Variants in NALCN observed in about 807,000 individuals in gnomAD.
NALCN encodes sodium leak channel NALCN.
Under a neutral mutation model 225.3 loss-of-function variants are expected in NALCN, and 111 were observed. The observed-to-expected ratio is 0.49, with a 90% CI of 0.42 to 0.58. NALCN has a LOEUF of 0.58. Ranked by LOEUF, NALCN falls within the 20% of genes least tolerant of loss-of-function variation. The pLI, the probability that NALCN is intolerant of heterozygous loss-of-function variation, is 0.00. For synonymous variants in NALCN, 764 were observed against 769.0 expected (o/e 0.99, Z 0.11); for missense variants, 1,378 against 2,202.4 (o/e 0.63, Z 7.49).
At chr13:101,375,146 C>T (rs779401129) in intron 6 of NALCN, among the ~76,000 whole-genome samples, 14 of 152,014 alleles carry the variant, frequency 9.2e-5, no homozygotes, top group Non-Finnish European at 1.3e-4. Context: ...TTGGAGGATA[C>T]ACTTATGCCT....
rs141797787 is a variant in NALCN at position 101,214,091 on chromosome 13, T to A, written c.1626+15302A>T. Among the ~76,000 whole-genome samples, 719 of 152,338 alleles carry A rather than the reference T, an allele frequency of 4.7e-3. 8 individuals carry two copies. Among genetic ancestry groups the A allele is most frequent in the African/African-American group, 0.017 (700 of 41,576 alleles). On this transcript the variant is annotated intron_variant, in intron 13 of 43. Transcript: ENST00000251127. ...GGATTAAGAAAATGTGGCACATGTA[T>A]ACACCATGGAATACTATGCAGCCAT...
chr13:101,413,654 G>C (rs2139566847), intron 1 of NALCN, among the ~76,000 whole-genome samples: 1 of 152,098 alleles, frequency 6.6e-6, no homozygotes, highest in East Asian at 1.9e-4. Flanking sequence ...AGATATTGTG[G>C]TCATCTGTCT....
At chr13:101,353,493 C>G (rs1452875891) in intron 6 of NALCN, among the ~76,000 whole-genome samples, 1 of 152,134 alleles carries the variant, frequency 6.6e-6, no homozygotes, top group East Asian at 1.9e-4. Context: ...GAATACTAAT[C>G]CCACCCTGGA....
chr13:101,254,140 T>C (rs2042142914), intron 11 of NALCN, among the ~76,000 whole-genome samples: 1 of 151,532 alleles, frequency 6.6e-6, no homozygotes, highest in African/African-American at 2.4e-5. Flanking sequence ...TCCAGCACTC[T>C]GGGAGGTCAA....
At chr13:101,186,990 G>A (rs1320799913) in intron 14 of NALCN, among the ~76,000 whole-genome samples, 1 of 152,116 alleles carries the variant, frequency 6.6e-6, no homozygotes, top group Non-Finnish European at 1.5e-5. Flanking sequence ...GACCTAATTT[G>A]ATCATTCCAC....
At position 101,104,328 on chromosome 13, in the gene NALCN, G is replaced by A. The variant is rs761673908; in HGVS notation, c.2856C>T (p.Asp952=). The A allele has an allele frequency of 4.4e-5, 71 of 1,613,060 alleles. No homozygotes were observed. Among genetic ancestry groups the A allele is most frequent in the Non-Finnish European group, 4.8e-5 (57 of 1,179,666 alleles). The change falls in exon 25 of 44, where the codon GAC becomes GAT. Residue 952 remains aspartate, a synonymous_variant. Transcript: ENST00000251127. This position sits in a 1 kb window ranked among gnomAD's most constrained non-coding sequence, Gnocchi z 4.2. ...LFFTPTAVIR[D]FGGVMDIFIY... ...TAAATATGTCCATTACTCCACCGAAGTCCCTGATGACAGCAGTTGGAGTGA... is the reference window on the plus strand; with the variant it reads ...TAAATATGTCCATTACTCCACCGAAATCCCTGATGACAGCAGTTGGAGTGA...
At chr13:101,155,444 G>A (rs150487901) in intron 15 of NALCN, among the ~76,000 whole-genome samples, 105 of 152,290 alleles carry the variant, frequency 6.9e-4, no homozygotes, top group Middle Eastern at 3.4e-3. Flanking sequence ...GTAATTTGCA[G>A]AGTGTCCCCC....
At chr13:101,218,851 C>T (rs983598654) in intron 13 of NALCN, among the ~76,000 whole-genome samples, 13 of 152,146 alleles carry the variant, frequency 8.5e-5, no homozygotes, top group East Asian at 5.8e-4. Flanking sequence ...CCTGCAGAAC[C>T]GGGAGCAATT....
At chr13:101,352,628 C>T (rs1310524468) in intron 6 of NALCN, among the ~76,000 whole-genome samples, 4 of 152,078 alleles carry the variant, frequency 2.6e-5, no homozygotes, top group African/African-American at 7.2e-5. Context: ...GACAAGGATT[C>T]GTGCTACCCT....
chr13:101,183,408 G>A (rs2039319245), intron 14 of NALCN, among the ~76,000 whole-genome samples: 1 of 152,062 alleles, frequency 6.6e-6, no homozygotes, highest in South Asian at 2.1e-4. Context: ...CAACTAATTT[G>A]CTTTGCATTA....
In NALCN at chr13:101,107,805, CA is replaced by C. The variant is rs765461417; in HGVS notation, c.2365-17del. The C allele has an allele frequency of 6.9e-6, 11 of 1,604,068 alleles. No individual in the cohort carries two copies. The Admixed American group carries it at 1.2e-4, about 17-fold the overall frequency. ...TATTGGAATGCTAGAAATAAATTAA[CA>C]GGGGGTGTGTTAAAACAGGAGGGTT... On this transcript the variant is annotated splice_polypyrimidine_tract_variant and intron_variant, in intron 20 of 43. Coordinates refer to ENST00000251127, the MANE Select transcript of NALCN (RefSeq NM_052867.4).
At chr13:101,069,989 A>G (rs961283855) in intron 37 of NALCN, among the ~76,000 whole-genome samples, 1 of 151,180 alleles carries the variant, frequency 6.6e-6, no homozygotes, top group African/African-American at 2.4e-5. Flanking sequence ...GTCATCCATA[A>G]TGGCTGGAAT....
intron 30 of NALCN, among the ~76,000 whole-genome samples, chr13:101,086,975 TA>T (rs574625146): frequency 3.9e-5 from 6 of 151,980 alleles, no homozygotes; most frequent in Non-Finnish European, 7.4e-5. Context: ...TTGTTATACA[TA>T]AAAAAAATTT....
At chr13:101,290,446 C>A in intron 9 of NALCN, among the ~76,000 whole-genome samples, 1 of 152,160 alleles carries the variant, frequency 6.6e-6, no homozygotes. Context: ...TCTTATCTCT[C>A]ATAGTTTGCA....
At chr13:101,382,783 A>T (rs965952163) in intron 3 of NALCN, among the ~76,000 whole-genome samples, 3 of 152,174 alleles carry the variant, frequency 2.0e-5, no homozygotes, top group Non-Finnish European at 2.9e-5. Context: ...ATAGGAAGTA[A>T]TTTAATTGTT....
chr13:101,279,370 T>C (rs946410615), intron 10 of NALCN, among the ~76,000 whole-genome samples: 1 of 152,168 alleles, frequency 6.6e-6, no homozygotes, highest in African/African-American at 2.4e-5. Context: ...TGCAGGAGTC[T>C]GAGAAGAATC....
At chr13:101,175,236 AT>A (rs35230308) in intron 15 of NALCN, among the ~76,000 whole-genome samples, 9 of 149,314 alleles carry the variant, frequency 6.0e-5, no homozygotes, top group South Asian at 4.2e-4. Flanking sequence ...CTTCATAACA[AT>A]TTTTTTTTGT....
intron 13 of NALCN, among the ~76,000 whole-genome samples, chr13:101,214,383 A>G (rs2140088578): frequency 6.6e-6 from 1 of 152,296 alleles, no homozygotes; most frequent in East Asian, 1.9e-4. Flanking sequence ...AACATGGCAC[A>G]TGTATACATA....
At chr13:101,343,622 G>C (rs184263122) in intron 7 of NALCN, among the ~76,000 whole-genome samples, 1 of 152,312 alleles carries the variant, frequency 6.6e-6, no homozygotes, top group Non-Finnish European at 1.5e-5. Flanking sequence ...CTGTTTTCAA[G>C]GAGCTTAAAT....
Sources: gnomAD v4.1 joint callset for allele counts (sites outside exome capture counted in the v4.1 genomes callset) on GRCh38, gnomAD v4.1.1 for gene constraint, Gnocchi (gnomAD v3.1) non-coding constraint, MANE v1.5 for transcripts, NCBI Gene and HGNC (gene_info 2026-07-23, HGNC 2026-07-21) for gene names.